The following SEPSECS variants were observed in gnomAD, a reference collection of about 807,000 sequenced individuals.
The protein encoded by SEPSECS is O-phosphoseryl-tRNA(Sec) selenium transferase.
Under a neutral mutation model 52.1 loss-of-function variants are expected in SEPSECS, and 42 were observed. The ratio of observed to expected loss-of-function variants is 0.81; its 90% confidence interval spans 0.63 to 1.04. The LOEUF is 1.04. Ranked by LOEUF, SEPSECS falls within the 50% of genes least tolerant of loss-of-function variation. SEPSECS has a pLI of 0.00. For missense variants in SEPSECS, 590 were observed against 610.6 expected, an observed-to-expected ratio of 0.97 and a Z score of 0.36; for synonymous variants, 216 against 211.4, an observed-to-expected ratio of 1.02 and a Z score of -0.19.
At chr4:25,156,826 C>G in intron 3 of SEPSECS, 30 bp downstream of exon 3, 1 of 1,164,608 alleles carries the variant, frequency 8.6e-7, no homozygotes. Flanking sequence ...TCCAGACAGC[C>G]AAAAGCATTA....
At chr4:25,160,228 G>T in intron 1 of SEPSECS, 28 bp downstream of exon 1, 1 of 1,549,078 alleles carries the variant, frequency 6.5e-7, no homozygotes, top group Non-Finnish European at 8.7e-7. Flanking sequence ...GGTCGCGGCG[G>T]CTGGGGAGGG....
chr4:25,148,376 A>AAAAAAC, intron 6 of SEPSECS, among the ~76,000 whole-genome samples: 1 of 135,510 alleles, frequency 7.4e-6, no homozygotes. Flanking sequence ...AAAAAAAAAA[A>AAAAAAC]GCCTAGTAGG....
intron 5 of SEPSECS, among the ~76,000 whole-genome samples, chr4:25,152,432 C>T (rs917151720): frequency 2.6e-5 from 4 of 151,864 alleles, no homozygotes; most frequent in Non-Finnish European, 5.9e-5. Context: ...TGGTTGCTTA[C>T]CATACTGAAG....
chr4:25,146,626 C>T (rs995502118), intron 6 of SEPSECS, among the ~76,000 whole-genome samples: 2 of 152,150 alleles, frequency 1.3e-5, no homozygotes, highest in African/African-American at 4.8e-5. Flanking sequence ...AATCAATGCA[C>T]CAGACTTTGC....
At position 25,160,281 on chromosome 4, in the gene SEPSECS, T is replaced by C. The variant is rs1285096770; in HGVS notation, c.89A>G (p.His30Arg). ...QGCEARRSHE[H>R]LIRLLLEKGK... ...CTTCTCCAGAAGCAGCCGTATGAGGTGCTCATGCGAGCGGCGGGCCTCACA... is the reference window on the plus strand; with the variant it reads ...CTTCTCCAGAAGCAGCCGTATGAGGCGCTCATGCGAGCGGCGGGCCTCACA... Residue 30 changes from histidine to arginine, a missense_variant, in exon 1 of 11, where the codon CAC (histidine) becomes CGC (arginine). By Grantham distance (29) the His-to-Arg change is conservative. Transcript: ENST00000382103. 1.3e-6 allele frequency: 2 copies of C among 1,556,042 alleles called. No homozygotes were observed. The highest frequency in any genetic ancestry group is 1.9e-5 in the Admixed American group (1 of 52,216).
chr4:25,158,833 CA>C, intron 2 of SEPSECS, 119 bp downstream of exon 2: 1 of 967,268 alleles, frequency 1.0e-6, no homozygotes. Flanking sequence ...TCCATTAGAG[CA>C]GGGAAGAAGT....
intron 6 of SEPSECS, among the ~76,000 whole-genome samples, chr4:25,151,424 T>G (rs1405826339): frequency 6.6e-6 from 1 of 152,164 alleles, no homozygotes; most frequent in Admixed American, 6.5e-5. Context: ...CACAAAGCCT[T>G]GTAGGCCATA....
At chr4:25,150,329 C>T (rs1712223522) in intron 6 of SEPSECS, among the ~76,000 whole-genome samples, 1 of 152,096 alleles carries the variant, frequency 6.6e-6, no homozygotes, top group South Asian at 2.1e-4. Context: ...ACCATACATG[C>T]ATAAATACAA....
chr4:25,138,599 A>G (rs926759453), intron 8 of SEPSECS, among the ~76,000 whole-genome samples: 2 of 152,144 alleles, frequency 1.3e-5, no homozygotes, highest in African/African-American at 2.4e-5. Flanking sequence ...AGAAATAAAC[A>G]CAGATAACTA....
chr4:25,158,475 T>C (rs1712825381), intron 2 of SEPSECS, among the ~76,000 whole-genome samples: 1 of 152,106 alleles, frequency 6.6e-6, no homozygotes, highest in South Asian at 2.1e-4. Context: ...AATAATCTAA[T>C]ACACCTTTCC....
intron 5 of SEPSECS, among the ~76,000 whole-genome samples, chr4:25,154,159 G>A (rs1462741859): frequency 6.6e-6 from 1 of 152,136 alleles, no homozygotes; most frequent in Non-Finnish European, 1.5e-5. Flanking sequence ...CATGAATGTA[G>A]CAAGGTAAAT....
chr4:25,142,049 G>C (rs970619841), intron 8 of SEPSECS, among the ~76,000 whole-genome samples: 1 of 152,194 alleles, frequency 6.6e-6, no homozygotes, highest in Non-Finnish European at 1.5e-5. Context: ...GGCCAAGGTG[G>C]GGGGATCACA....
chr4:25,160,030 G>A (rs1712965796), intron 1 of SEPSECS: 1 of 985,278 alleles, frequency 1.0e-6, no homozygotes, highest in Non-Finnish European at 1.2e-6. Context: ...TCAAAACCCC[G>A]ACCCCAACAC....
chr4:25,129,546 T>C (rs182104679), intron 8 of SEPSECS, among the ~76,000 whole-genome samples: 3 of 151,776 alleles, frequency 2.0e-5, no homozygotes, highest in Non-Finnish European at 2.9e-5. Flanking sequence ...CACTTGAGCC[T>C]GGGAGGCAGA....
chr4:25,151,173 TATTG>T, intron 6 of SEPSECS, among the ~76,000 whole-genome samples: 2 of 152,310 alleles, frequency 1.3e-5, no homozygotes, highest in East Asian at 1.9e-4. Context: ...GTAACCGGTT[TATTG>T]ATTGTCAATA....
At chr4:25,139,498 G>A (rs1018542424) in intron 8 of SEPSECS, among the ~76,000 whole-genome samples, 3 of 143,682 alleles carry the variant, frequency 2.1e-5, no homozygotes, top group African/African-American at 7.8e-5. Context: ...GTGATTCTCT[G>A]CCTCAGCCTC....
Position 25,160,307 on chromosome 4 carries a change from G to A in SEPSECS, c.63C>T (p.Gly21=), listed in dbSNP as rs1224148841. ...RLVSPAYVRQ[G]CEARRSHEHL... ...GCTCATGCGAGCGGCGGGCCTCACAGCCCTGCCGCACGTAAGCCGGCGACA... is the reference window on the plus strand; with the variant it reads ...GCTCATGCGAGCGGCGGGCCTCACAACCCTGCCGCACGTAAGCCGGCGACA... The change falls in exon 1 of 11, where the codon GGC becomes GGT. Residue 21 remains glycine, a synonymous_variant. Transcript: ENST00000382103. 6.5e-7 allele frequency: 1 copy of A among 1,549,844 alleles called. No homozygotes were observed.
rs181247633 is a variant in SEPSECS, at chr4:25,156,528, C to A, written c.388+328G>T. On this transcript the variant is annotated intron_variant, in intron 3 of 10. Coordinates refer to ENST00000382103, the MANE Select transcript of SEPSECS (RefSeq NM_016955.4). Reference sequence around the variant, plus strand: ...GACCATCCTGGCTAACACGGTGAGACCCCCGTCTCTACTAAAAATACAAAA... The same window carrying A: ...GACCATCCTGGCTAACACGGTGAGAACCCCGTCTCTACTAAAAATACAAAA... Among the ~76,000 whole-genome samples the A allele has an allele frequency of 2.3e-3, 352 of 151,206 alleles. 2 individuals carry two copies. Among genetic ancestry groups the A allele is most frequent in the African/African-American group, 6.1e-3 (251 of 41,262 alleles).
chr4:25,127,068 T>C (rs897082726), intron 9 of SEPSECS, among the ~76,000 whole-genome samples, 196 bp downstream of exon 9: 1 of 152,256 alleles, frequency 6.6e-6, no homozygotes, highest in Non-Finnish European at 1.5e-5. Context: ...TCTCTCAGTG[T>C]ATAGGCTTTA....
Sources: allele counts gnomAD v4.1 joint callset (sites outside exome capture counted in the v4.1 genomes callset), GRCh38; gene constraint gnomAD v4.1.1; transcripts MANE v1.5; gene names NCBI Gene and HGNC (gene_info 2026-07-23, HGNC 2026-07-21).